The following LHB variants were observed in gnomAD, a reference collection of about 807,000 sequenced individuals.
LHB encodes the protein luteinizing hormone subunit beta.
In LHB, 11 loss-of-function variants were observed where a neutral mutation model predicts 10.6. That is an observed-to-expected ratio of 1.04 (90% CI 0.66 to 1.72). The LOEUF (loss-of-function observed/expected upper bound fraction) is 1.72, where lower values mean the gene tolerates loss of function less well. LHB is among the 40% of genes most tolerant of loss of function. The pLI is 0.00. For missense variants in LHB, 184 were observed against 197.3 expected (o/e 0.93, Z 0.41); for synonymous variants, 86 against 83.1 (o/e 1.03, Z -0.19).
At chr19:49,016,867 C>A in intron 1 of LHB, 153 bp from the exon 2 acceptor site, 1 of 1,567,486 alleles carries the variant, frequency 6.4e-7, no homozygotes, top group Non-Finnish European at 8.6e-7. Flanking sequence ...CCTTTCAGAG[C>A]CCACCCCACA....
In LHB at chr19:49,016,176, G is replaced by C; in HGVS notation, c.318C>G (p.Leu106=). 6.2e-7 allele frequency: 1 copy of C among 1,612,678 alleles called. No homozygotes were observed. Among genetic ancestry groups the C allele is most frequent in the Non-Finnish European group, 8.5e-7 (1 of 1,179,986 alleles). Residue 106 remains leucine, a synonymous_variant, in exon 3 of 3, where the codon CTC becomes CTG. Coordinates refer to ENST00000649238, the MANE Select transcript of LHB (RefSeq NM_000894.3). ...VDPVVSFPVA[L]SCRCGPCRRS... ...GGCGGCAGGGTCCACAGCGACAGCT[G>C]AGAGCCACAGGGAAGGAGACCACGG...
At chr19:49,016,773 C>G (rs754128852) in intron 1 of LHB, 59 bp from the exon 2 acceptor site, 3 of 1,604,436 alleles carry the variant, frequency 1.9e-6, no homozygotes, top group African/African-American at 1.3e-5. Context: ...TCCTGGCCTT[C>G]CCATCCCGCG....
At chr19:49,018,239 G>C, upstream of LHB, 1 of 793,324 alleles carries the variant, frequency 1.3e-6, no homozygotes, top group Non-Finnish European at 1.7e-6. Flanking sequence ...GGAGGAGCGC[G>C]GACAGGGCGG....
chr19:49,017,236 T>C (rs548282844), upstream of LHB, among the ~76,000 whole-genome samples: 24 of 152,104 alleles, frequency 1.6e-4, no homozygotes, highest in African/African-American at 5.3e-4. Context: ...CAGGAGTGGC[T>C]CAGCAGAGCG....
upstream of LHB, chr19:49,017,473 C>T: frequency 8.7e-7 from 1 of 1,152,520 alleles, no homozygotes; most frequent in Non-Finnish European, 1.1e-6. Flanking sequence ...CCACTTGAGG[C>T]TTTCCTGCAC....
upstream of LHB, chr19:49,018,811 G>A (rs1259669363): frequency 6.4e-6 from 9 of 1,396,162 alleles, no homozygotes; most frequent in Admixed American, 9.9e-5. Context: ...CCAGGGGCTC[G>A]GCGTGCACCG....
At chr19:49,018,587 T>C (rs182625070), upstream of LHB, among the ~76,000 whole-genome samples, 14 of 152,082 alleles carry the variant, frequency 9.2e-5, no homozygotes, top group African/African-American at 3.1e-4. Context: ...AAGGAGTATC[T>C]GGGGGCTCAA....
upstream of LHB, chr19:49,019,387 C>A (rs1217689232): frequency 1.6e-6 from 2 of 1,252,906 alleles, no homozygotes; most frequent in Non-Finnish European, 1.0e-6. Flanking sequence ...CCACCTGACC[C>A]CGTCTCAGAA....
At chr19:49,019,261 G>T, upstream of LHB, 1 of 1,292,742 alleles carries the variant, frequency 7.7e-7, no homozygotes, top group Non-Finnish European at 9.8e-7. Flanking sequence ...TCAAACCCAA[G>T]CCCCCAGCCA....
chr19:49,018,832 G>A (rs945279414), upstream of LHB: 7 of 1,479,188 alleles, frequency 4.7e-6, no homozygotes, highest in Admixed American at 2.0e-5. Flanking sequence ...GCCACGGCGG[G>A]GGCTGTGCAG....
chr19:49,018,981 T>G, upstream of LHB: 2 of 1,533,548 alleles, frequency 1.3e-6, no homozygotes, highest in African/African-American at 2.7e-5. Context: ...CTCGGGGTTC[T>G]TCGTCCAGGC....
upstream of LHB, chr19:49,017,458 A>G (rs1287413615): frequency 1.3e-5 from 15 of 1,142,048 alleles, no homozygotes; most frequent in East Asian, 7.2e-4. Flanking sequence ...TGAAGCCTCA[A>G]CCCTCCACTT....
upstream of LHB, chr19:49,019,496 C>G: frequency 1.7e-6 from 2 of 1,168,616 alleles, no homozygotes; most frequent in Non-Finnish European, 2.1e-6. Context: ...TCTGGCCTGG[C>G]CTAATGCCCA....
chr19:49,017,789 C>G (rs145623056), upstream of LHB: 2 of 402,516 alleles, frequency 5.0e-6, no homozygotes, highest in Non-Finnish European at 8.7e-6. Context: ...ACTTAGTCCC[C>G]TCTCCGTGAT....
At chr19:49,017,231 G>A (rs1600206415), upstream of LHB, 6 of 1,416,258 alleles carry the variant, frequency 4.2e-6, no homozygotes, top group East Asian at 4.6e-5. Context: ...AGGCGCAGGA[G>A]TGGCTCAGCA....
chr19:49,016,886 G>T, intron 1 of LHB, 172 bp from the exon 2 acceptor site: 1 of 1,582,966 alleles, frequency 6.3e-7, no homozygotes, highest in Non-Finnish European at 8.6e-7. Flanking sequence ...CAGCCCAGAG[G>T]ACCTGAGATG....
chr19:49,018,725 G>C, upstream of LHB: 1 of 693,542 alleles, frequency 1.4e-6, no homozygotes, highest in Non-Finnish European at 2.4e-6. Flanking sequence ...AAAGGGAGGG[G>C]CTGAGGCCTG....
rs2039546378 is a variant in LHB at position 49,016,129 on chromosome 19, C to T, written c.365G>A (p.Gly122Asp). The T allele has an allele frequency of 9.3e-6, 15 of 1,612,858 alleles. No homozygotes were observed. The highest frequency in any genetic ancestry group is 1.3e-5 in the Non-Finnish European group (15 of 1,180,016). ...ACAGGTCAAGGGGTGGTCTTTGGGA[C>T]CCCCACAGTCAGAGGTGCTGCGGCG... ...PCRRSTSDCG[G>D]PKDHPLTCDH... is the part of the protein sequence containing the mutation. Residue 122 changes from glycine (G) to aspartate (D), a missense_variant, in exon 3 of 3, where the codon GGT becomes GAT. Coordinates refer to ENST00000649238, the MANE Select transcript of LHB (RefSeq NM_000894.3).
upstream of LHB, chr19:49,018,122 AG>A (rs2122682142): frequency 5.0e-6 from 2 of 399,496 alleles, no homozygotes; most frequent in African/African-American, 2.1e-5. Context: ...CGGGTGCAGC[AG>A]GGGGCTGTAG....
Sources: gnomAD v4.1 joint callset for allele counts (sites outside exome capture counted in the v4.1 genomes callset) on GRCh38, gnomAD v4.1.1 for gene constraint, MANE v1.5 for transcripts, NCBI Gene and HGNC (gene_info 2026-07-23, HGNC 2026-07-21) for gene names.